The following XNDC1N variants were observed in gnomAD, a reference collection of about 807,000 sequenced individuals.
XNDC1N encodes the protein protein XNDC1N.
chr11:71,925,214 CTTT>C, the XNDC1N span, among the ~76,000 whole-genome samples: 3 of 152,040 alleles, frequency 2.0e-5, no homozygotes, highest in African/African-American at 7.2e-5. Flanking sequence ...GGTATGTCTT[CTTT>C]GTCCCTTGAC....
chr11:71,921,854 T>G, the XNDC1N span, among the ~76,000 whole-genome samples: 13 of 152,090 alleles, frequency 8.5e-5, no homozygotes, highest in African/African-American at 3.1e-4. Context: ...CTCTAGCATT[T>G]TATAAGGCTA....
the XNDC1N span, among the ~76,000 whole-genome samples, chr11:71,896,937 G>A: frequency 1.3e-5 from 2 of 152,176 alleles, no homozygotes; most frequent in African/African-American, 4.8e-5. Context: ...TCACCTTTAT[G>A]TTCACATGAT....
At chr11:71,888,068 G>A in the XNDC1N span, among the ~76,000 whole-genome samples, 20 of 152,164 alleles carry the variant, frequency 1.3e-4, no homozygotes, top group Non-Finnish European at 2.4e-4. Flanking sequence ...CCTAGGCTGC[G>A]TGTTGCTCTA....
chr11:71,921,204 T>C, the XNDC1N span, among the ~76,000 whole-genome samples: 2 of 151,964 alleles, frequency 1.3e-5, no homozygotes, highest in South Asian at 2.1e-4. Flanking sequence ...ACCTAGGGTA[T>C]AGTGCAGTCG....
chr11:71,917,120 T>C, the XNDC1N span: 12 of 307,844 alleles, frequency 3.9e-5, no homozygotes, highest in Admixed American at 5.4e-4. Context: ...TTCAAGCAAT[T>C]CTGCCGCCTC....
At chr11:71,907,238 G>T in the XNDC1N span, among the ~76,000 whole-genome samples, 3,850 of 152,170 alleles carry the variant, frequency 0.025, 54 homozygotes, top group East Asian at 0.074. Flanking sequence ...GGAAAATAAT[G>T]TCCCAGGGTG....
chr11:71,868,702 G>A, the XNDC1N span, among the ~76,000 whole-genome samples: 1 of 152,136 alleles, frequency 6.6e-6, no homozygotes, highest in Non-Finnish European at 1.5e-5. Flanking sequence ...TTCTCTAGCT[G>A]CCTTTAATAC....
the XNDC1N span, chr11:71,894,009 C>A: frequency 9.1e-6 from 8 of 882,802 alleles, no homozygotes; most frequent in East Asian, 1.2e-4. Context: ...CTGTCTGTGA[C>A]CCCTCTCAAC....
chr11:71,911,710 G>T, the XNDC1N span, among the ~76,000 whole-genome samples: 1 of 152,208 alleles, frequency 6.6e-6, no homozygotes, highest in Non-Finnish European at 1.5e-5. Flanking sequence ...TGGGGGAAAA[G>T]GCACAAAATA....
At chr11:71,889,717 A>C in the XNDC1N span, among the ~76,000 whole-genome samples, 1 of 152,174 alleles carries the variant, frequency 6.6e-6, no homozygotes, top group African/African-American at 2.4e-5. Flanking sequence ...GCATGATATG[A>C]GGCAAGGTCT....
chr11:71,869,184 A>T, the XNDC1N span, among the ~76,000 whole-genome samples: 2 of 151,922 alleles, frequency 1.3e-5, no homozygotes, highest in African/African-American at 4.8e-5. Context: ...TATATCTCCT[A>T]ATGCTATCCC....
At chr11:71,900,997 C>A in the XNDC1N span, among the ~76,000 whole-genome samples, 1 of 149,286 alleles carries the variant, frequency 6.7e-6, no homozygotes, top group African/African-American at 2.5e-5. Flanking sequence ...GCGGATGCCC[C>A]TGCTCACTAT....
the XNDC1N span, among the ~76,000 whole-genome samples, chr11:71,885,170 A>G: frequency 6.6e-6 from 1 of 150,926 alleles, no homozygotes; most frequent in Admixed American, 6.6e-5. Flanking sequence ...CTGAATATTA[A>G]GAACAGTATC....
At chr11:71,922,135 G>C in the XNDC1N span, among the ~76,000 whole-genome samples, 47 of 152,294 alleles carry the variant, frequency 3.1e-4, no homozygotes, top group African/African-American at 1.1e-3. Context: ...ACTCCAGCCT[G>C]GGCAACAAAG....
chr11:71,921,037 T>C, the XNDC1N span, among the ~76,000 whole-genome samples: 12 of 151,510 alleles, frequency 7.9e-5, no homozygotes, highest in African/African-American at 2.9e-4. Context: ...CAGGGTGGAG[T>C]GTAGGGATAC....
At chr11:71,919,120 C>G in the XNDC1N span, 1 of 662,918 alleles carries the variant, frequency 1.5e-6, no homozygotes, top group Non-Finnish European at 2.7e-6. Flanking sequence ...CCCAAACCTT[C>G]CCAGTCATCC....
the XNDC1N span, among the ~76,000 whole-genome samples, chr11:71,887,676 T>C: frequency 1.3e-5 from 2 of 152,210 alleles, no homozygotes; most frequent in Non-Finnish European, 2.9e-5. Context: ...TTTGGAATTA[T>C]TGTTCCTTGT....
At chr11:71,888,793 A>C in the XNDC1N span, among the ~76,000 whole-genome samples, 1 of 152,232 alleles carries the variant, frequency 6.6e-6, no homozygotes, top group African/African-American at 2.4e-5. Flanking sequence ...CGAATGCCAC[A>C]CTCACCGACT....
the XNDC1N span, chr11:71,917,795 G>A: frequency 2.8e-6 from 2 of 702,948 alleles, no homozygotes; most frequent in South Asian, 3.0e-5. Context: ...AAAAGGTTGA[G>A]AGAAGGATAA....
Sources: allele counts gnomAD v4.1 joint callset (sites outside exome capture counted in the v4.1 genomes callset), GRCh38; gene constraint gnomAD v4.1.1; transcripts MANE v1.5; gene names NCBI Gene and HGNC (gene_info 2026-07-23, HGNC 2026-07-21).